TEAD1: variants seen among roughly 807,000 people sequenced by gnomAD.
TEAD1 encodes the protein transcriptional enhancer factor TEF-1.
In TEAD1, 9 loss-of-function variants were observed where a neutral mutation model predicts 54.9. That is an observed-to-expected ratio of 0.16 (90% CI 0.10 to 0.29). TEAD1 has a LOEUF of 0.29. Ranked by LOEUF, TEAD1 falls within the 10% of genes least tolerant of loss-of-function variation. The pLI is 1.00. For synonymous variants in TEAD1, 200 were observed against 187.8 expected, an observed-to-expected ratio of 1.07 and a Z score of -0.53; for missense variants, 387 against 535.9, an observed-to-expected ratio of 0.72 and a Z score of 2.74.
intron 3 of TEAD1, among the ~76,000 whole-genome samples, chr11:12,782,039 A>G (rs1194227801): frequency 1.3e-5 from 2 of 151,584 alleles, no homozygotes; most frequent in Non-Finnish European, 2.9e-5. Flanking sequence ...AGCCCCTGCT[A>G]CTCAGCTGGC....
At chr11:12,814,961 A>G (rs1422362277) in intron 3 of TEAD1, among the ~76,000 whole-genome samples, 4 of 152,088 alleles carry the variant, frequency 2.6e-5, no homozygotes, top group Non-Finnish European at 5.9e-5. Flanking sequence ...TTCTTTCATT[A>G]TTCTCAGAAA....
At chr11:12,861,588 G>T (rs931066748) in intron 3 of TEAD1, among the ~76,000 whole-genome samples, 3 of 152,216 alleles carry the variant, frequency 2.0e-5, no homozygotes, top group African/African-American at 7.2e-5. Context: ...GACTAGAAGA[G>T]AACTGGGTTT....
chr11:12,826,684 A>C (rs978297939), intron 3 of TEAD1, among the ~76,000 whole-genome samples: 45 of 152,206 alleles, frequency 3.0e-4, no homozygotes, highest in Non-Finnish European at 5.3e-4. Context: ...GAGATAAGAA[A>C]ATTCCTTTTC....
intron 9 of TEAD1, among the ~76,000 whole-genome samples, chr11:12,890,180 G>A (rs1483069283): frequency 6.6e-6 from 1 of 152,166 alleles, no homozygotes; most frequent in Non-Finnish European, 1.5e-5. Context: ...AACGGTGACT[G>A]TGCCAAAGTT....
At position 12,765,634 on chromosome 11, in the gene TEAD1, C is replaced by T. The variant is rs117317656; in HGVS notation, c.202+1200C>T. On this transcript the variant is annotated intron_variant, in intron 3 of 12. Transcript: ENST00000527636. ...GCTGCCACCAGCTGTGCCCCCACCC[C>T]GCCCTCCTCCTCTCCAACTTGGATG... Among the ~76,000 whole-genome samples the T allele has an allele frequency of 1.2e-3, 181 of 152,244 alleles. 1 individual carries two copies. Among genetic ancestry groups the T allele is most frequent in the Middle Eastern group, 6.8e-3 (2 of 292 alleles).
rs77423395 is a variant in TEAD1, at chr11:12,713,624, G to C, written c.-55+38063G>C. ...CCTGATAAAACCAGAAGCAGATCCTGGCAGCATTCTAGCTGGAGGGTACAA... is the reference window on the plus strand; with the variant it reads ...CCTGATAAAACCAGAAGCAGATCCTCGCAGCATTCTAGCTGGAGGGTACAA... On this transcript the variant is annotated intron_variant, in intron 2 of 12. Transcript: ENST00000527636. Among the ~76,000 whole-genome samples the C allele has an allele frequency of 6.8e-3, 1,042 of 152,254 alleles. 2 individuals are homozygous for C. Among genetic ancestry groups the C allele is most frequent in the Admixed American group, 0.014 (213 of 15,302 alleles).
chr11:12,826,082 A>G (rs761032233), intron 3 of TEAD1, among the ~76,000 whole-genome samples: 4 of 152,218 alleles, frequency 2.6e-5, no homozygotes, highest in Non-Finnish European at 4.4e-5. Flanking sequence ...ACAACATAAT[A>G]AAAAGTCTTC....
At chr11:12,719,714 G>A (rs1944143132) in intron 2 of TEAD1, among the ~76,000 whole-genome samples, 1 of 152,058 alleles carries the variant, frequency 6.6e-6, no homozygotes, top group Non-Finnish European at 1.5e-5. Flanking sequence ...CCGTGGGTTG[G>A]ACATGGGGTA....
chr11:12,921,881 T>C (rs900601608), intron 10 of TEAD1, among the ~76,000 whole-genome samples: 1 of 152,120 alleles, frequency 6.6e-6, no homozygotes, highest in African/African-American at 2.4e-5. Context: ...AGCTGCTCTT[T>C]TGTGGAGCCA....
At chr11:12,883,400 C>G (rs1048860682) in intron 9 of TEAD1, among the ~76,000 whole-genome samples, 3 of 152,146 alleles carry the variant, frequency 2.0e-5, no homozygotes, top group Non-Finnish European at 4.4e-5. Flanking sequence ...CGTTTACAAG[C>G]TCTTATGTTT....
chr11:12,721,969 C>T (rs182901610), intron 2 of TEAD1, among the ~76,000 whole-genome samples: 49 of 152,284 alleles, frequency 3.2e-4, no homozygotes, highest in South Asian at 6.2e-4. Flanking sequence ...TGGTTAAATT[C>T]AGATTCAGGT....
At chr11:12,723,674 TA>T (rs1944257408) in intron 2 of TEAD1, among the ~76,000 whole-genome samples, 1 of 152,168 alleles carries the variant, frequency 6.6e-6, no homozygotes, top group Non-Finnish European at 1.5e-5. Context: ...TTTTTGGAGA[TA>T]AAACATAAAA....
intron 12 of TEAD1, among the ~76,000 whole-genome samples, chr11:12,935,729 A>G (rs868072910): frequency 7.2e-5 from 11 of 152,164 alleles, no homozygotes; most frequent in Admixed American, 3.3e-4. Context: ...AAGTGCTGGG[A>G]TTACAGGCGT....
intron 2 of TEAD1, among the ~76,000 whole-genome samples, chr11:12,717,607 G>A (rs1170897154): frequency 6.6e-6 from 1 of 152,166 alleles, no homozygotes; most frequent in Non-Finnish European, 1.5e-5. Context: ...GAAGTGGAAG[G>A]GAGGGAGGAG....
intron 8 of TEAD1, among the ~76,000 whole-genome samples, chr11:12,882,163 T>C (rs1488494217): frequency 6.6e-6 from 1 of 152,188 alleles, no homozygotes; most frequent in Non-Finnish European, 1.5e-5. Flanking sequence ...GCTTTTCAGA[T>C]GGTTTGTTTA....
intron 3 of TEAD1, among the ~76,000 whole-genome samples, chr11:12,840,791 A>G (rs762252225): frequency 7.4e-4 from 113 of 152,242 alleles, no homozygotes; most frequent in Non-Finnish European, 1.2e-3. Flanking sequence ...GGCCCCTGTG[A>G]GTGGAGTGGG....
intron 9 of TEAD1, among the ~76,000 whole-genome samples, chr11:12,900,943 C>T (rs1184073053): frequency 5.3e-5 from 8 of 152,170 alleles, no homozygotes; most frequent in Admixed American, 5.2e-4. Context: ...GTATTAATGC[C>T]TATTCAGTGG....
chr11:12,708,838 A>G (rs1396254945), intron 2 of TEAD1, among the ~76,000 whole-genome samples: 3 of 152,234 alleles, frequency 2.0e-5, no homozygotes, highest in African/African-American at 7.2e-5. Flanking sequence ...CAAAAGTCAC[A>G]GATCAGCATG....
intron 9 of TEAD1, among the ~76,000 whole-genome samples, chr11:12,886,886 T>C (rs561599325): frequency 6.6e-6 from 1 of 152,288 alleles, no homozygotes; most frequent in East Asian, 1.9e-4. Context: ...TGTTGATGTT[T>C]CTGGCTTGTA....
Sources: allele counts gnomAD v4.1 joint callset (sites outside exome capture counted in the v4.1 genomes callset), GRCh38; gene constraint gnomAD v4.1.1; transcripts MANE v1.5; gene names NCBI Gene and HGNC (gene_info 2026-07-23, HGNC 2026-07-21).